The following THRB variants were observed in gnomAD, a reference collection of about 807,000 sequenced individuals.
The protein encoded by THRB is nuclear receptor subfamily 1 group A member 2.
In THRB, 12 loss-of-function variants were observed where a neutral mutation model predicts 47.8. The observed-to-expected ratio is 0.25, with a 90% CI of 0.16 to 0.41. The LOEUF (loss-of-function observed/expected upper bound fraction) is 0.41, where lower values mean the gene tolerates loss of function less well. Among genes scored for constraint, THRB ranks in the 10% least tolerant of loss-of-function variants. THRB has a pLI of 1.00. For missense variants in THRB, 348 were observed against 589.2 expected, an observed-to-expected ratio of 0.59 and a Z score of 4.24; for synonymous variants, 218 against 212.2, an observed-to-expected ratio of 1.03 and a Z score of -0.24.
chr3:24,330,139 A>G (rs1184623799), intron 2 of THRB, among the ~76,000 whole-genome samples: 3 of 149,724 alleles, frequency 2.0e-5, no homozygotes, highest in African/African-American at 7.4e-5. Context: ...CCCCGTCTCT[A>G]CTAAAAATAC....
intron 5 of THRB, among the ~76,000 whole-genome samples, chr3:24,169,208 A>G (rs1020303201): frequency 2.4e-4 from 37 of 152,136 alleles, no homozygotes; most frequent in Admixed American, 1.6e-3. Context: ...CCCTTTGTCA[A>G]TATGTGTCTG....
intron 2 of THRB, among the ~76,000 whole-genome samples, chr3:24,300,479 C>T (rs180765677): frequency 6.6e-4 from 100 of 152,310 alleles, no homozygotes; most frequent in African/African-American, 2.2e-3. Context: ...TTCTTCTTTC[C>T]CTCCCTACAA....
chr3:24,454,736 TA>T (rs1479148677), intron 1 of THRB, among the ~76,000 whole-genome samples: 3 of 152,134 alleles, frequency 2.0e-5, no homozygotes, highest in Non-Finnish European at 2.9e-5. Context: ...TTTCTATAGA[TA>T]TTGTTGAAAT....
intron 4 of THRB, among the ~76,000 whole-genome samples, chr3:24,198,451 C>T (rs776195380): frequency 0.034 from 852 of 24,848 alleles, 11 homozygotes; most frequent in African/African-American, 0.11. Context: ...TGTCTCCCCC[C>T]GCCCCCCCCC....
chr3:24,363,933 T>G (rs1010607377), intron 1 of THRB, among the ~76,000 whole-genome samples: 1 of 152,164 alleles, frequency 6.6e-6, no homozygotes, highest in African/African-American at 2.4e-5. Flanking sequence ...TATTTTCCAT[T>G]TCTTATATGA....
At chr3:24,480,442 C>T (rs918469388) in intron 1 of THRB, among the ~76,000 whole-genome samples, 1 of 152,184 alleles carries the variant, frequency 6.6e-6, no homozygotes, top group African/African-American at 2.4e-5. Context: ...CATTCTCTCC[C>T]ATTGACAGAA....
chr3:24,145,795 ATTTTC>A (rs2036006871), intron 7 of THRB, among the ~76,000 whole-genome samples: 1 of 151,826 alleles, frequency 6.6e-6, no homozygotes, highest in African/African-American at 2.4e-5. Flanking sequence ...TCCTCACTGT[ATTTTC>A]TTTTTTCTTT....
At chr3:24,216,544 C>T (rs533117545) in intron 4 of THRB, among the ~76,000 whole-genome samples, 1 of 151,948 alleles carries the variant, frequency 6.6e-6, no homozygotes, top group Non-Finnish European at 1.5e-5. Flanking sequence ...GGAGGCGGAG[C>T]TTGCAGTGAG....
chr3:24,118,974 T>TG lies in THRB; in HGVS notation c.*3909_*3910insC, dbSNP rs2031133260. On this transcript the variant is annotated 3_prime_UTR_variant, in exon 11 of 11. Coordinates refer to ENST00000646209, the MANE Select transcript of THRB (RefSeq NM_001354712.2). ...CCAAACCTTTTTTCCCCCAGTCTGG[T>TG]TTTTTTTTTTTTTTTTTTTTTTTTT... The TG allele has an allele frequency of 3.1e-5, 1 of 32,324 alleles. No individual in the cohort carries two copies. Among genetic ancestry groups the TG allele is most frequent in the Non-Finnish European group, 4.8e-5 (1 of 20,784 alleles). The allele number at this position is 32,324 out of a possible 1,614,324, so 2.0% of individuals were successfully genotyped here.
intron 1 of THRB, among the ~76,000 whole-genome samples, chr3:24,452,303 A>AC (rs936297063): frequency 2.0e-5 from 3 of 151,716 alleles, no homozygotes; most frequent in African/African-American, 4.8e-5. Flanking sequence ...GATTTTTGGC[A>AC]CCCCCTTCCG....
At position 24,122,873 on chromosome 3, in the gene THRB, A is replaced by G; in HGVS notation, c.*11T>C. On this transcript the variant is annotated 3_prime_UTR_variant, in exon 11 of 11. Transcript: ENST00000646209. ...AGTGCTGTAGGAATTATGAGAATGA[A>G]TCCAGTCAGTCTAATCCTCGAACAC... is the stretch of plus-strand genomic sequence containing the variant. 1 of 1,614,170 alleles carries G rather than the reference A, an allele frequency of 6.2e-7. No individual in the cohort carries two copies. Among genetic ancestry groups the G allele is most frequent in the Non-Finnish European group, 8.5e-7 (1 of 1,180,018 alleles).
intron 2 of THRB, among the ~76,000 whole-genome samples, chr3:24,309,467 T>G (rs1352749725): frequency 6.6e-6 from 1 of 152,174 alleles, no homozygotes; most frequent in Non-Finnish European, 1.5e-5. Flanking sequence ...CTGTCTGTTC[T>G]CCCCACTCCT....
intron 4 of THRB, among the ~76,000 whole-genome samples, chr3:24,191,137 A>T (rs2043281870): frequency 6.6e-6 from 1 of 151,844 alleles, no homozygotes; most frequent in Non-Finnish European, 1.5e-5. Flanking sequence ...GAAAATGGGA[A>T]AAAATGTAAT....
chr3:24,251,075 G>A (rs899727116), intron 3 of THRB, among the ~76,000 whole-genome samples: 1 of 151,972 alleles, frequency 6.6e-6, no homozygotes, highest in Non-Finnish European at 1.5e-5. Flanking sequence ...CAATTACCTG[G>A]AAGCCAAGAA....
In THRB at chr3:24,297,267, GC is replaced by G. The variant is rs1405882987; in HGVS notation, c.-85del. ...TACTGCTAACCTCTTTGAATAACAG[GC>G]TTTCAGTCTTCAAGACGTTTGTTTT... On this transcript the variant is annotated 5_prime_UTR_variant, in exon 3 of 11. Transcript: ENST00000646209. The G allele has an allele frequency of 6.6e-6, 1 of 152,174 alleles. No individual in the cohort carries two copies. The highest frequency in any genetic ancestry group is 1.5e-5 in the Non-Finnish European group (1 of 68,038). 9.4% of individuals were successfully genotyped at this position (152,174 alleles called of 1,614,324 possible). A position where few individuals can be genotyped will look rare whatever the true frequency, so the allele number is the denominator to read the frequency against.
At chr3:24,237,257 G>C (rs574797663) in intron 3 of THRB, among the ~76,000 whole-genome samples, 1 of 152,290 alleles carries the variant, frequency 6.6e-6, no homozygotes, top group East Asian at 1.9e-4. Context: ...TTTAGCAAAT[G>C]ACTGTTGAAT....
intron 1 of THRB, among the ~76,000 whole-genome samples, chr3:24,411,721 GTGGGGA>G (rs2068317267): frequency 1.3e-5 from 2 of 151,730 alleles, no homozygotes; most frequent in African/African-American, 4.8e-5. Context: ...CACACTAGGG[GTGGGGA>G]TGGGGATGGA....
At chr3:24,313,793 T>TTA (rs1559902816) in intron 2 of THRB, among the ~76,000 whole-genome samples, 1 of 148,050 alleles carries the variant, frequency 6.8e-6, no homozygotes, top group African/African-American at 2.5e-5. Flanking sequence ...AGGCTTTTTT[T>TTA]AAAAAAAAAA....
intron 1 of THRB, among the ~76,000 whole-genome samples, chr3:24,355,997 G>A (rs975539903): frequency 2.6e-5 from 4 of 152,134 alleles, no homozygotes; most frequent in African/African-American, 9.7e-5. Context: ...TGAGACTTGA[G>A]GTATGATTCA....
Sources: allele counts gnomAD v4.1 joint callset (sites outside exome capture counted in the v4.1 genomes callset), GRCh38; gene constraint gnomAD v4.1.1; transcripts MANE v1.5; gene names NCBI Gene and HGNC (gene_info 2026-07-23, HGNC 2026-07-21).